CUL2: variants seen among roughly 807,000 people sequenced by gnomAD.
CUL2 encodes cullin 2, also known as cullin-2.
CUL2 carries 22 observed loss-of-function variants against 110.2 expected under a neutral mutation model. The ratio of observed to expected loss-of-function variants is 0.20; its 90% CI spans 0.14 to 0.28. The LOEUF (loss-of-function observed/expected upper bound fraction) is 0.28, where lower values mean the gene tolerates loss of function less well. Ranked by LOEUF, CUL2 falls within the 10% of genes least tolerant of loss-of-function variation. CUL2 has a pLI of 1.00. For missense variants in CUL2, 631 were observed against 905.5 expected (o/e 0.70, Z 3.89); for synonymous variants, 279 against 293.2 (o/e 0.95, Z 0.49).
intron 10 of CUL2, among the ~76,000 whole-genome samples, chr10:35,034,168 T>C (rs2085556230): frequency 1.3e-5 from 2 of 152,266 alleles, no homozygotes; most frequent in Non-Finnish European, 1.5e-5. Flanking sequence ...CTACCACAAA[T>C]GTATTCACTT....
intron 17 of CUL2, among the ~76,000 whole-genome samples, chr10:35,016,979 A>G (rs2085051642): frequency 6.6e-6 from 1 of 151,972 alleles, no homozygotes; most frequent in Non-Finnish European, 1.5e-5. Flanking sequence ...TAGAAATGCT[A>G]AGACTTAGGC....
At chr10:35,075,632 T>TAA (rs1331248930) in intron 1 of CUL2, among the ~76,000 whole-genome samples, 1 of 107,974 alleles carries the variant, frequency 9.3e-6, no homozygotes, top group African/African-American at 3.6e-5. Context: ...TTATGGGCCC[T>TAA]AAAACACACA....
intron 1 of CUL2, among the ~76,000 whole-genome samples, chr10:35,072,602 T>A (rs998630847): frequency 6.6e-6 from 1 of 152,108 alleles, no homozygotes; most frequent in African/African-American, 2.4e-5. Flanking sequence ...TCTCCTGACC[T>A]CGTGATCCGC....
At position 35,032,458 on chromosome 10, in the gene CUL2, A is replaced by T; in HGVS notation, c.1147T>A (p.Ser383Thr). ...TSVVNYREPK[S>T]VCKAPELLAK... ...ACCAGTTCAGGTGCTTTGCAAACAG[A>T]CTTAGGTTCTCTGTAATTTACAACT... Residue 383 changes from serine (S) to threonine (T), a missense_variant, in exon 12 of 21, where the codon TCT becomes ACT. Around this residue, in one of 3 missense-constraint regions of CUL2, gnomAD observed 134 missense variants for 260.4 expected, o/e 0.51. Coordinates refer to ENST00000374749, the MANE Select transcript of CUL2 (RefSeq NM_003591.4). 1 of 1,591,504 alleles carries T rather than the reference A, an allele frequency of 6.3e-7. No homozygotes were observed. The highest frequency in any genetic ancestry group is 8.5e-7 in the Non-Finnish European group (1 of 1,173,248).
intron 1 of CUL2, among the ~76,000 whole-genome samples, chr10:35,111,408 C>T (rs77234417): frequency 0.15 from 22,940 of 151,872 alleles, 1,959 homozygotes; most frequent in East Asian, 0.24. Context: ...TGCACCACCA[C>T]GCCTAACTAA....
intron 1 of CUL2, among the ~76,000 whole-genome samples, chr10:35,083,154 C>CAA (rs35028347): frequency 1.3e-4 from 14 of 111,064 alleles, no homozygotes; most frequent in African/African-American, 4.6e-4. Context: ...GACTCCATCT[C>CAA]AAAAAAAAAA....
At chr10:35,096,395 A>G (rs897994473) in intron 2 of CUL2, among the ~76,000 whole-genome samples, 1 of 151,938 alleles carries the variant, frequency 6.6e-6, no homozygotes, top group Non-Finnish European at 1.5e-5. Context: ...ACTTGAGGCC[A>G]GGAGTTCAAG....
At chr10:35,029,204 C>T (rs770259522) in intron 15 of CUL2, among the ~76,000 whole-genome samples, 9 of 152,074 alleles carry the variant, frequency 5.9e-5, no homozygotes, top group African/African-American at 1.7e-4. Flanking sequence ...ATTACAGGCA[C>T]GCACCACCAC....
At chr10:35,019,377 A>G (rs1208134144) in intron 17 of CUL2, among the ~76,000 whole-genome samples, 1 of 151,888 alleles carries the variant, frequency 6.6e-6, no homozygotes, top group Non-Finnish European at 1.5e-5. Flanking sequence ...CTTTCTTGCT[A>G]TTTTTCAATA....
intron 1 of CUL2, among the ~76,000 whole-genome samples, chr10:35,124,852 A>G (rs1258361356): frequency 1.3e-5 from 2 of 152,148 alleles, no homozygotes; most frequent in African/African-American, 4.8e-5. Flanking sequence ...AAAGTTTAAG[A>G]TATTTTGAAG....
At chr10:35,018,797 G>A (rs1053725277) in intron 17 of CUL2, among the ~76,000 whole-genome samples, 39 of 148,570 alleles carry the variant, frequency 2.6e-4, no homozygotes, top group Admixed American at 6.7e-5. Context: ...TAAAGGCTAT[G>A]AGTGAATTCA....
intron 1 of CUL2, among the ~76,000 whole-genome samples, chr10:35,115,731 CA>C (rs1412853533): frequency 6.6e-6 from 1 of 151,400 alleles, no homozygotes; most frequent in East Asian, 1.9e-4. Flanking sequence ...CCCATCACTA[CA>C]AAAAAATACA....
At chr10:35,074,244 G>A (rs2086758925) in intron 1 of CUL2, 2 of 1,531,704 alleles carry the variant, frequency 1.3e-6, no homozygotes, top group East Asian at 2.4e-5. Context: ...AAAGTTTGTT[G>A]TTTCCTTCTA....
chr10:35,049,627 A>T, intron 6 of CUL2, 56 bp downstream of exon 6: 12 of 1,450,384 alleles, frequency 8.3e-6, no homozygotes, highest in Non-Finnish European at 1.2e-5. Flanking sequence ...ACTATTTTAA[A>T]ACCATATCAA....
intron 1 of CUL2, among the ~76,000 whole-genome samples, chr10:35,123,723 G>T (rs2087705231): frequency 6.6e-6 from 1 of 152,158 alleles, no homozygotes; most frequent in Non-Finnish European, 1.5e-5. Flanking sequence ...GGTATGAAAG[G>T]GGAAGAAGAC....
chr10:35,015,482 G>A (rs890852519), intron 18 of CUL2, among the ~76,000 whole-genome samples: 7 of 151,914 alleles, frequency 4.6e-5, no homozygotes, highest in African/African-American at 9.7e-5. Context: ...ATAAACTGTA[G>A]GCTATTAACT....
intron 1 of CUL2, among the ~76,000 whole-genome samples, chr10:35,104,198 G>T (rs113214187): frequency 2.0e-5 from 3 of 152,208 alleles, no homozygotes; most frequent in Non-Finnish European, 4.4e-5. Flanking sequence ...TGTAATCCCA[G>T]CACTTACGGA....
At chr10:35,066,740 A>G (rs183337106) in intron 2 of CUL2, among the ~76,000 whole-genome samples, 145 of 152,356 alleles carry the variant, frequency 9.5e-4, no homozygotes, top group African/African-American at 3.1e-3. Flanking sequence ...ACAAATATCA[A>G]TTAGCCTGAT....
chr10:35,048,936 A>G (rs1014263838), intron 6 of CUL2, among the ~76,000 whole-genome samples: 6 of 152,188 alleles, frequency 3.9e-5, no homozygotes, highest in African/African-American at 1.4e-4. Context: ...CTCCTTATTT[A>G]GGTCTTCTTG....
Sources: allele counts gnomAD v4.1 joint callset (sites outside exome capture counted in the v4.1 genomes callset), GRCh38; gene constraint gnomAD v4.1.1; regional missense constraint gnomAD v4.1.1; transcripts MANE v1.5; gene names NCBI Gene and HGNC (gene_info 2026-07-23, HGNC 2026-07-21).